Variants in PIK3CB observed in about 807,000 individuals in gnomAD.
PIK3CB encodes phosphatidylinositol 4,5-bisphosphate 3-kinase catalytic subunit beta isoform.
Under a neutral mutation model 136.8 loss-of-function variants are expected in PIK3CB, and 39 were observed. The observed-to-expected ratio is 0.29, with a 90% CI of 0.22 to 0.37. PIK3CB has a LOEUF of 0.37. PIK3CB is among the 10% of genes least tolerant of loss of function. The pLI is 1.00. For synonymous variants in PIK3CB, 428 were observed against 436.6 expected (o/e 0.98, Z 0.25); for missense variants, 868 against 1,275.4 (o/e 0.68, Z 4.87).
chr3:138,832,322 C>A (rs1407035113), intron 1 of PIK3CB, among the ~76,000 whole-genome samples: 1 of 152,260 alleles, frequency 6.6e-6, no homozygotes, highest in South Asian at 2.1e-4. Flanking sequence ...GGGTGTGAAT[C>A]AGGGGTGTAA....
chr3:138,681,229 A>C (rs2043774664), intron 19 of PIK3CB, among the ~76,000 whole-genome samples: 1 of 149,186 alleles, frequency 6.7e-6, no homozygotes, highest in Non-Finnish European at 1.5e-5. Flanking sequence ...TATTTTTAGA[A>C]GAGACAGGGT....
chr3:138,761,456 T>C (rs1258565529), intron 2 of PIK3CB, among the ~76,000 whole-genome samples: 1 of 152,222 alleles, frequency 6.6e-6, no homozygotes, highest in Non-Finnish European at 1.5e-5. Flanking sequence ...AATCCAATGT[T>C]AGCTGGAACA....
Position 138,700,704 on chromosome 3 carries a change from T to TAGATAGAC in PIK3CB, c.1582-1610_1582-1609insGTCTATCT, listed in dbSNP as rs201811092. On this transcript the variant is annotated intron_variant, in intron 12 of 23. Transcript: ENST00000674063. The stretch of plus-strand genomic sequence containing the variant: ...CCCTGACTCTAAAAAGATAGATAGA[T>TAGATAGAC]AGATAGATAGATAGATAGATAGATA... 2.5e-3 allele frequency among the ~76,000 whole-genome samples: 348 copies of TAGATAGAC among 139,754 alleles called. 2 individuals carry two copies. Among genetic ancestry groups the TAGATAGAC allele is most frequent in the African/African-American group, 9.1e-3 (328 of 36,200 alleles). 91.7% of individuals were successfully genotyped at this position (139,754 alleles called of 152,430 possible).
At chr3:138,743,818 G>C (rs2045291500) in intron 4 of PIK3CB, among the ~76,000 whole-genome samples, 1 of 152,100 alleles carries the variant, frequency 6.6e-6, no homozygotes, top group African/African-American at 2.4e-5. Context: ...ACCTCAGTCT[G>C]ACAAAGTGCT....
chr3:138,792,789 C>T lies in PIK3CB; in HGVS notation c.-17+3674G>A, dbSNP rs556114113. ...CTTTTCTCCTTCTCTTTCTCTCCCCCTCCCCTCCAACAGGGTCATACTCTG... is the reference window on the plus strand; with the variant it reads ...CTTTTCTCCTTCTCTTTCTCTCCCCTTCCCCTCCAACAGGGTCATACTCTG... On this transcript the variant is annotated intron_variant, in intron 2 of 23. Coordinates refer to ENST00000674063, the MANE Select transcript of PIK3CB (RefSeq NM_006219.3). Among the ~76,000 whole-genome samples the T allele has an allele frequency of 3.9e-5, 6 of 152,108 alleles. No individual in the cohort carries two copies. In the East Asian group the frequency reaches 1.2e-3, roughly 29 times the overall value.
chr3:138,741,249 C>T (rs1056866630), intron 5 of PIK3CB, among the ~76,000 whole-genome samples: 14 of 152,166 alleles, frequency 9.2e-5, no homozygotes, highest in Non-Finnish European at 1.8e-4. Flanking sequence ...AAACCAGAGA[C>T]ACCTGGATGA....
intron 2 of PIK3CB, among the ~76,000 whole-genome samples, chr3:138,791,558 G>A (rs1013965541): frequency 6.6e-6 from 1 of 152,096 alleles, no homozygotes. Context: ...CCTGACTCTG[G>A]TCTACAACTT....
At chr3:138,765,599 T>C (rs1266435447) in intron 2 of PIK3CB, among the ~76,000 whole-genome samples, 1 of 151,392 alleles carries the variant, frequency 6.6e-6, no homozygotes, top group Non-Finnish European at 1.5e-5. Flanking sequence ...TCCCAGCACT[T>C]TGGGAGGCTG....
At chr3:138,807,649 T>C (rs1034757163) in intron 1 of PIK3CB, among the ~76,000 whole-genome samples, 5 of 152,060 alleles carry the variant, frequency 3.3e-5, no homozygotes, top group African/African-American at 4.8e-5. Context: ...TCCCAGCATT[T>C]TGGAAGGCCA....
At chr3:138,665,746 C>CT (rs1056050909) in intron 19 of PIK3CB, among the ~76,000 whole-genome samples, 1 of 143,232 alleles carries the variant, frequency 7.0e-6, no homozygotes, top group Non-Finnish European at 1.5e-5. Context: ...TTTTTAAAAA[C>CT]TTTTTTTGAC....
intron 19 of PIK3CB, among the ~76,000 whole-genome samples, chr3:138,681,195 T>C (rs2043773384): frequency 6.6e-6 from 1 of 151,346 alleles, no homozygotes. Context: ...TACGGGCATG[T>C]GCTCCACGCC....
At position 138,759,294 on chromosome 3, in the gene PIK3CB, A is replaced by T. The variant is rs763276798; in HGVS notation, c.50T>A (p.Ile17Asn). Reference protein sequence around the residue: ...MPPAMADILDIWAVDSQIASD... With the variant: ...MPPAMADILDNWAVDSQIASD... The stretch of plus-strand genomic sequence containing the variant: ...TGCTATCTGTGAATCCACCGCCCAG[A>T]TGTCAAGGATGTCTGCCATAGCAGG... The change falls in exon 3 of 24, where the codon ATC becomes AAC. Residue 17 changes from isoleucine to asparagine, a missense_variant. Ile to Asn is a moderately radical substitution (Grantham distance 149). Around this residue, in one of 4 missense-constraint regions of PIK3CB, gnomAD observed 612 missense variants for 801.1 expected, o/e 0.76. Transcript: ENST00000674063. The T allele has an allele frequency of 6.2e-7, 1 of 1,612,326 alleles. No individual in the cohort carries two copies. The highest frequency in any genetic ancestry group is 1.7e-5 in the Admixed American group (1 of 60,014).
intron 1 of PIK3CB, among the ~76,000 whole-genome samples, chr3:138,828,493 T>C (rs1933887724): frequency 6.6e-6 from 1 of 152,106 alleles, no homozygotes; most frequent in South Asian, 2.1e-4. Flanking sequence ...CCCCATTAGT[T>C]AAATTTTCCA....
At chr3:138,740,561 C>A (rs1474413500) in intron 5 of PIK3CB, among the ~76,000 whole-genome samples, 3 of 152,152 alleles carry the variant, frequency 2.0e-5, no homozygotes, top group Non-Finnish European at 4.4e-5. Flanking sequence ...CTTGACCTCA[C>A]CTCCCAGTAA....
Position 138,653,545 on chromosome 3 carries a change from T to A in PIK3CB, c.*1844A>T, listed in dbSNP as rs2043147526. On this transcript the variant is annotated 3_prime_UTR_variant, in exon 24 of 24. Coordinates refer to ENST00000674063, the MANE Select transcript of PIK3CB (RefSeq NM_006219.3). ...TCCAAACCACTGACCTGCGGCCTGG[T>A]TCATGAAATGGTGGGTGGCTACTAG... The A allele has an allele frequency of 5.5e-6, 1 of 183,384 alleles. No individual in the cohort carries two copies. The highest frequency in any genetic ancestry group is 8.8e-5 in the East Asian group (1 of 11,306). 11.4% of individuals were successfully genotyped at this position (183,384 alleles called of 1,614,324 possible).
chr3:138,658,477 C>T (rs377586402), intron 21 of PIK3CB, among the ~76,000 whole-genome samples: 5 of 152,050 alleles, frequency 3.3e-5, no homozygotes, highest in Non-Finnish European at 7.4e-5. Flanking sequence ...CAAAAAAGTA[C>T]ATCCTTGCCC....
At chr3:138,712,626 G>C (rs1440275350) in intron 9 of PIK3CB, among the ~76,000 whole-genome samples, 2 of 151,084 alleles carry the variant, frequency 1.3e-5, no homozygotes, top group Non-Finnish European at 2.9e-5. Flanking sequence ...TGGAGTGGTG[G>C]TGTGATCTCG....
intron 4 of PIK3CB, among the ~76,000 whole-genome samples, chr3:138,747,890 T>C (rs1160583497): frequency 6.6e-6 from 1 of 152,172 alleles, no homozygotes; most frequent in Non-Finnish European, 1.5e-5. Flanking sequence ...ACTTCTGCCA[T>C]TAAGACAATT....
intron 19 of PIK3CB, among the ~76,000 whole-genome samples, chr3:138,666,152 T>C (rs1239436769): frequency 6.6e-6 from 1 of 152,154 alleles, no homozygotes; most frequent in African/African-American, 2.4e-5. Flanking sequence ...CTAGTAAAGA[T>C]AATTATTCTC....
Sources: allele counts gnomAD v4.1 joint callset (sites outside exome capture counted in the v4.1 genomes callset), GRCh38; gene constraint gnomAD v4.1.1; regional missense constraint gnomAD v4.1.1; transcripts MANE v1.5; gene names NCBI Gene and HGNC (gene_info 2026-07-23, HGNC 2026-07-21).